FLACC1: variants seen among roughly 807,000 people sequenced by gnomAD.
FLACC1 encodes the protein flagellum associated containing coiled-coil domains 1, also known as flagellum-associated coiled-coil domain-containing protein 1.
A neutral mutation model predicts 62.8 loss-of-function variants in FLACC1; 66 were observed. The ratio of observed to expected loss-of-function variants is 1.05; its 90% CI spans 0.86 to 1.29. The LOEUF is 1.29. FLACC1 is among the 50% of genes most tolerant of loss of function. FLACC1 has a pLI of 0.00. For missense variants in FLACC1, 452 were observed against 489.1 expected (o/e 0.92, Z 0.71); for synonymous variants, 156 against 161.0 (o/e 0.97, Z 0.24).
chr2:201,297,894 A>G (rs1337652580), intron 12 of FLACC1, among the ~76,000 whole-genome samples: 1 of 152,202 alleles, frequency 6.6e-6, no homozygotes, highest in East Asian at 1.9e-4. Context: ...ATTTGAATAA[A>G]GAACAGGAGG....
chr2:201,320,861 T>C (rs1950390486), intron 9 of FLACC1, among the ~76,000 whole-genome samples: 1 of 152,228 alleles, frequency 6.6e-6, no homozygotes, highest in Non-Finnish European at 1.5e-5. Context: ...GCAAAAGTCC[T>C]ATTGCTACTA....
chr2:201,329,435 A>G (rs1049799372), intron 9 of FLACC1, among the ~76,000 whole-genome samples: 20 of 152,264 alleles, frequency 1.3e-4, no homozygotes, highest in African/African-American at 4.3e-4. Flanking sequence ...CAGCAATCCC[A>G]TTACTGGGTA....
rs765740459 is a variant in FLACC1, at chr2:201,330,521, C to T, written c.624G>A (p.Glu208=). The change falls in exon 9 of 15, where the codon GAG becomes GAA. Residue 208 remains glutamate (E), a splice_region_variant and synonymous_variant. Transcript: ENST00000392257. ...AEKLAAQEKL[E]EMGKEYKYLK... ...AATACTTGTATTCTTTTCCCATCTC[C>T]TCTGGATAAAAGGAAAACAACAGGA... 3 of 1,613,644 alleles carry T rather than the reference C, an allele frequency of 1.9e-6. No homozygotes were observed. Among genetic ancestry groups the T allele is most frequent in the Middle Eastern group, 3.3e-4 (2 of 6,058 alleles).
intron 12 of FLACC1, among the ~76,000 whole-genome samples, chr2:201,292,658 C>T (rs1949763237): frequency 6.6e-6 from 1 of 152,272 alleles, no homozygotes; most frequent in Middle Eastern, 3.4e-3. Context: ...ATGACAGGAT[C>T]AAATTCACAC....
chr2:201,309,356 T>C, intron 9 of FLACC1, 106 bp from the exon 10 acceptor site: 2 of 803,936 alleles, frequency 2.5e-6, no homozygotes, highest in Non-Finnish European at 4.2e-6. Context: ...CATTGCACAG[T>C]GGCCAGGGCC....
In FLACC1 at chr2:201,344,272, G is replaced by A; in HGVS notation, c.369-9C>T. The A allele has an allele frequency of 6.3e-7, 1 of 1,597,326 alleles. No homozygotes were observed. The highest frequency in any genetic ancestry group is 2.2e-5 in the East Asian group (1 of 44,772). ...CAGAAATGATGTTGGTCCTGTAGGA[G>A]AAGTAATTCTTCTATCATCCACAAA... On this transcript the variant is annotated splice_polypyrimidine_tract_variant and intron_variant, in intron 5 of 14. Coordinates refer to ENST00000392257, the MANE Select transcript of FLACC1 (RefSeq NM_001127391.3).
Position 201,289,713 on chromosome 2 carries a change from A to C in FLACC1, c.1015T>G (p.Leu339Val). The C allele has an allele frequency of 6.2e-7, 1 of 1,613,964 alleles. No individual in the cohort carries two copies. Among genetic ancestry groups the C allele is most frequent in the East Asian group, 2.2e-5 (1 of 44,884 alleles). The change falls in exon 13 of 15, where the codon TTG (leucine) becomes GTG (valine). Residue 339 changes from leucine (L) to valine (V), a missense_variant. Leu to Val is a conservative substitution (Grantham distance 32). Transcript: ENST00000392257. ...GGACTCACCTCTTTCTGGAGTTCCA[A>C]CTGGGTATAGTAGAGGTTTGTGTTC... ...SLNTNLYYTQ[L>V]ELQKEKAIVG...
intron 12 of FLACC1, among the ~76,000 whole-genome samples, chr2:201,293,109 T>A (rs188512076): frequency 6.6e-6 from 1 of 152,088 alleles, no homozygotes; most frequent in Non-Finnish European, 1.5e-5. Flanking sequence ...ATTAGACAGC[T>A]CCACGAGACA....
At chr2:201,359,175 A>T (rs533435724), upstream of FLACC1, among the ~76,000 whole-genome samples, 9 of 152,300 alleles carry the variant, frequency 5.9e-5, no homozygotes, top group South Asian at 1.0e-3. Context: ...GAAGGTGATG[A>T]TTCCTGGCTT....
rs1949681098 is a variant in FLACC1, at chr2:201,289,569, G to A, written c.1033-3C>T. The A allele has an allele frequency of 6.2e-7, 1 of 1,613,844 alleles. No homozygotes were observed. The highest frequency in any genetic ancestry group is 1.7e-5 in the Admixed American group (1 of 59,992). ...TCCAGATTTCCCACTATAGCTTTCTGAAAGACATACATTTTAATAGCCATC... is the reference window on the plus strand; with the variant it reads ...TCCAGATTTCCCACTATAGCTTTCTAAAAGACATACATTTTAATAGCCATC... On this transcript the variant is annotated splice_region_variant and splice_polypyrimidine_tract_variant and intron_variant, in intron 13 of 14. Transcript: ENST00000392257.
intron 3 of FLACC1, among the ~76,000 whole-genome samples, chr2:201,349,321 A>C (rs1950979175): frequency 6.6e-6 from 1 of 152,180 alleles, no homozygotes. Flanking sequence ...TGCTTGCCCC[A>C]GGCATCATTG....
At chr2:201,295,719 C>A (rs1576411837) in intron 12 of FLACC1, among the ~76,000 whole-genome samples, 2 of 152,270 alleles carry the variant, frequency 1.3e-5, no homozygotes, top group South Asian at 2.1e-4. Context: ...TCAGAGTGAA[C>A]AAGCAACCTA....
chr2:201,333,738 C>A (rs1173685403), intron 7 of FLACC1, among the ~76,000 whole-genome samples: 2 of 152,180 alleles, frequency 1.3e-5, no homozygotes, highest in African/African-American at 4.8e-5. Flanking sequence ...ACAAACTCAT[C>A]ATTTTTTATG....
At chr2:201,299,093 T>C (rs1229668641) in intron 12 of FLACC1, 145 bp downstream of exon 12, 8 of 740,902 alleles carry the variant, frequency 1.1e-5, no homozygotes, top group East Asian at 2.7e-5. Flanking sequence ...TTTTAACTTA[T>C]TGAATCCAGT....
At position 201,307,551 on chromosome 2, in the gene FLACC1, C is replaced by T; in HGVS notation, c.847G>A (p.Ala283Thr). The T allele has an allele frequency of 6.2e-7, 1 of 1,614,178 alleles. No homozygotes were observed. Among genetic ancestry groups the T allele is most frequent in the Non-Finnish European group, 8.5e-7 (1 of 1,180,000 alleles). ...TCTTGAATGAAGTTCTCAAAGACAG[C>T]ACTGCAGGATTCATTTATTTTCTTA... ...EDKKINESCS[A>T]VFENFIQEKE... The change falls in exon 11 of 15, where the codon GCT (alanine) becomes ACT (threonine). Residue 283 changes from alanine to threonine, a missense_variant. Ala to Thr is a moderately conservative substitution (Grantham distance 58). Transcript: ENST00000392257.
intron 7 of FLACC1, among the ~76,000 whole-genome samples, chr2:201,335,991 AT>A (rs1371803143): frequency 1.3e-5 from 2 of 152,058 alleles, no homozygotes; most frequent in South Asian, 2.1e-4. Context: ...AATACTACTA[AT>A]TTTTTTCTTT....
chr2:201,309,007 C>G (rs1225167205), intron 10 of FLACC1, 144 bp downstream of exon 10: 4 of 693,918 alleles, frequency 5.8e-6, no homozygotes, highest in Non-Finnish European at 1.0e-5. Context: ...TTCATGAAAA[C>G]TCTGGGCACC....
Position 201,304,107 on chromosome 2 carries a change from G to A in FLACC1, c.879+3412C>T, listed in dbSNP as rs1339296621. ...CAATGAGGCAGGAGAAGGAAATAAAGGGTATTCAATTAGGAAAAGAGGAAG... is the reference window on the plus strand; with the variant it reads ...CAATGAGGCAGGAGAAGGAAATAAAAGGTATTCAATTAGGAAAAGAGGAAG... On this transcript the variant is annotated intron_variant, in intron 11 of 14. Transcript: ENST00000392257. Among the ~76,000 whole-genome samples the A allele has an allele frequency of 2.6e-5, 4 of 152,136 alleles. No homozygotes were observed. The East Asian group carries it at 7.7e-4, about 29-fold the overall frequency.
At chr2:201,304,402 C>G (rs1303016608) in intron 11 of FLACC1, among the ~76,000 whole-genome samples, 1 of 152,060 alleles carries the variant, frequency 6.6e-6, no homozygotes. Context: ...TCAAGGAGAA[C>G]TACAAATCAC....
Sources: gnomAD v4.1 joint callset for allele counts (sites outside exome capture counted in the v4.1 genomes callset) on GRCh38, gnomAD v4.1.1 for gene constraint, MANE v1.5 for transcripts, NCBI Gene and HGNC (gene_info 2026-07-23, HGNC 2026-07-21) for gene names.